Variants in POMT2 observed in about 807,000 individuals in gnomAD.
POMT2 encodes the protein protein O-mannosyltransferase 2.
In POMT2, 75 loss-of-function variants were observed where a neutral mutation model predicts 100.0. The observed-to-expected ratio is 0.75, with a 90% CI of 0.62 to 0.91. POMT2 has a LOEUF of 0.91. Among genes scored for constraint, POMT2 ranks in the 40% least tolerant of loss-of-function variants. POMT2 has a pLI of 0.00. For missense variants in POMT2, 940 were observed against 955.1 expected, an observed-to-expected ratio of 0.98 and a Z score of 0.21; for synonymous variants, 378 against 374.1, an observed-to-expected ratio of 1.01 and a Z score of -0.12.
chr14:77,312,430 G>A (rs748288869), intron 1 of POMT2: 22 of 183,750 alleles, frequency 1.2e-4, no homozygotes, highest in Non-Finnish European at 2.3e-4. Context: ...TTGGGAGGCC[G>A]AGGCAGGCGG....
At chr14:77,291,174 A>C in intron 10 of POMT2, 140 bp downstream of exon 10, 1 of 776,422 alleles carries the variant, frequency 1.3e-6, no homozygotes, top group Non-Finnish European at 2.2e-6. Context: ...AATAATTGAA[A>C]GGATAATTGA....
chr14:77,303,013 G>C (rs1489015706), intron 4 of POMT2, 70 bp from the exon 5 acceptor site: 23 of 1,178,510 alleles, frequency 2.0e-5, no homozygotes, highest in Non-Finnish European at 2.5e-6. Context: ...AAGCACCCCA[G>C]TAGTAGGAAA....
intron 1 of POMT2, among the ~76,000 whole-genome samples, chr14:77,319,207 C>CAAG: frequency 6.6e-6 from 1 of 152,212 alleles, no homozygotes; most frequent in East Asian, 1.9e-4. Context: ...CTCGGTGCCC[C>CAAG]CAGGACTTAT....
chr14:77,284,978 C>T lies in POMT2; in HGVS notation c.1548G>A (p.Trp516Ter). The change falls in exon 14 of 21, where the codon TGG becomes TGA. Residue 516 changes from tryptophan to a stop codon, truncating the protein, a stop_gained. Transcript: ENST00000261534. LOFTEE classifies it high-confidence loss of function. ...PYLKETLNSI[W>*]NVEDHINPKL... ...TGGGATTGATATGGTCCTCCACATT[C>T]CAGATGGAGTTGAGGGTTTCTTTCA... is the stretch of plus-strand genomic sequence containing the variant. 6.2e-7 allele frequency: 1 copy of T among 1,613,064 alleles called. No individual in the cohort carries two copies. The highest frequency in any genetic ancestry group is 8.5e-7 in the Non-Finnish European group (1 of 1,178,996).
rs756477627 is a variant in POMT2 at position 77,276,727 on chromosome 14, C to A, written c.*649G>T. 6.5e-6 allele frequency: 1 copy of A among 153,238 alleles called. No homozygotes were observed. The highest frequency in any genetic ancestry group is 1.9e-4 in the East Asian group (1 of 5,190). 9.5% of individuals were successfully genotyped at this position (153,238 alleles called of 1,614,324 possible). Reference sequence around the variant, plus strand: ...CGTCACAGGCAGGAAGTCCAGCTACCTGCAGCCACTGGGGGGCATGGTGGG... The same window carrying A: ...CGTCACAGGCAGGAAGTCCAGCTACATGCAGCCACTGGGGGGCATGGTGGG... On this transcript the variant is annotated 3_prime_UTR_variant, in exon 21 of 21. Coordinates refer to ENST00000261534, the MANE Select transcript of POMT2 (RefSeq NM_013382.7).
intron 2 of POMT2, among the ~76,000 whole-genome samples, chr14:77,308,554 C>G (rs1030195959): frequency 6.6e-6 from 1 of 151,892 alleles, no homozygotes. Flanking sequence ...CGGGGTTTCA[C>G]CATGTTGGCC....
At chr14:77,278,595 CAG>C (rs1168282633) in intron 19 of POMT2, 87 bp from the exon 20 acceptor site, 8 of 1,467,602 alleles carry the variant, frequency 5.5e-6, no homozygotes, top group Admixed American at 1.9e-5. Flanking sequence ...AGTCAAGGAG[CAG>C]AGAGTCACTC....
At chr14:77,280,146 A>G in intron 16 of POMT2, 66 bp from the exon 17 acceptor site, 1 of 1,611,744 alleles carries the variant, frequency 6.2e-7, no homozygotes. Context: ...CATTAGGGGG[A>G]GGAAGATGGT....
At chr14:77,319,171 C>T (rs34351860) in intron 1 of POMT2, among the ~76,000 whole-genome samples, 6 of 152,152 alleles carry the variant, frequency 3.9e-5, no homozygotes, top group Non-Finnish European at 8.8e-5. Flanking sequence ...TCTTAGACTG[C>T]AGCCCAGATG....
At chr14:77,283,687 A>G (rs1890308646) in intron 15 of POMT2, 110 bp downstream of exon 15, 1 of 988,056 alleles carries the variant, frequency 1.0e-6, no homozygotes, top group African/African-American at 1.6e-5. Context: ...ATGCTTTCAA[A>G]TTCCTCCACA....
intron 8 of POMT2, 103 bp downstream of exon 8, chr14:77,298,586 T>C: frequency 1.6e-6 from 2 of 1,263,788 alleles, no homozygotes; most frequent in Non-Finnish European, 2.3e-6. Flanking sequence ...CACCGTGCCA[T>C]CACAGGCTAA....
chr14:77,309,701 G>T (rs1891368953), intron 2 of POMT2, among the ~76,000 whole-genome samples: 1 of 151,942 alleles, frequency 6.6e-6, no homozygotes, highest in South Asian at 2.1e-4. Flanking sequence ...ATTTATTTTT[G>T]AGATGGAGTC....
intron 8 of POMT2, among the ~76,000 whole-genome samples, chr14:77,298,258 C>T (rs994262958): frequency 1.3e-5 from 2 of 152,208 alleles, no homozygotes; most frequent in Non-Finnish European, 2.9e-5. Flanking sequence ...ACGTACTTAA[C>T]GCTTCCAGCC....
rs563009349 is a variant in POMT2, at chr14:77,291,802, G to C, written c.1117-422C>G. On this transcript the variant is annotated intron_variant, in intron 9 of 20. Transcript: ENST00000261534. Reference sequence around the variant, plus strand: ...AATCCCAGCACTTTGGGAAGCCAGAGTGGGCGGATCACCTGAGGTCAGGAG... The same window carrying C: ...AATCCCAGCACTTTGGGAAGCCAGACTGGGCGGATCACCTGAGGTCAGGAG... Among the ~76,000 whole-genome samples, 4 of 152,360 alleles carry C rather than the reference G, an allele frequency of 2.6e-5. No homozygotes were observed. In the South Asian group the frequency reaches 8.3e-4, roughly 32 times the overall value.
chr14:77,291,633 T>G, intron 9 of POMT2: 1 of 604,562 alleles, frequency 1.7e-6, no homozygotes, highest in Non-Finnish European at 2.9e-6. Flanking sequence ...TGTATCTTTC[T>G]GCATCTTGTC....
chr14:77,298,891 C>T, intron 7 of POMT2, 120 bp from the exon 8 acceptor site: 1 of 976,474 alleles, frequency 1.0e-6, no homozygotes, highest in Admixed American at 2.0e-5. Flanking sequence ...GATCATGGGA[C>T]AGAGGTGGGT....
intron 13 of POMT2, 187 bp downstream of exon 13, chr14:77,285,294 A>G (rs1890380022): frequency 1.2e-6 from 1 of 805,672 alleles, no homozygotes; most frequent in African/African-American, 1.7e-5. Context: ...AGAACACATA[A>G]AACACCGAAG....
intron 2 of POMT2, chr14:77,306,743 G>T (rs1192714504): frequency 2.8e-6 from 1 of 361,506 alleles, no homozygotes; most frequent in Non-Finnish European, 5.4e-6. Context: ...TCAGTAAGGG[G>T]CTCTCTGATT....
intron 18 of POMT2, chr14:77,279,510 G>C (rs748006808): frequency 2.8e-5 from 15 of 527,562 alleles, no homozygotes; most frequent in South Asian, 2.3e-4. Context: ...AGATTGCACG[G>C]GTTTGAGCCT....
Sources: gnomAD v4.1 joint callset for allele counts (sites outside exome capture counted in the v4.1 genomes callset) on GRCh38, gnomAD v4.1.1 for gene constraint, MANE v1.5 for transcripts, NCBI Gene and HGNC (gene_info 2026-07-23, HGNC 2026-07-21) for gene names.